Variants in RNF180 observed in about 807,000 individuals in gnomAD.
RNF180 encodes the protein E3 ubiquitin-protein ligase RNF180.
RNF180 carries 38 observed loss-of-function variants against 59.2 expected under a neutral mutation model. That is an observed-to-expected ratio of 0.64 (90% CI 0.50 to 0.84). The LOEUF is 0.84. Ranked by LOEUF, RNF180 falls within the 40% of genes least tolerant of loss-of-function variation. The pLI is 0.00. For synonymous variants in RNF180, 262 were observed against 240.3 expected, an observed-to-expected ratio of 1.09 and a Z score of -0.84; for missense variants, 705 against 700.9, an observed-to-expected ratio of 1.01 and a Z score of -0.07.
At chr5:64,216,948 T>G (rs1263722335) in intron 4 of RNF180, among the ~76,000 whole-genome samples, 1 of 152,170 alleles carries the variant, frequency 6.6e-6, no homozygotes. Context: ...ACAGAACATT[T>G]TGATCACTCT....
chr5:64,191,506 G>C (rs977918554), intron 1 of RNF180, among the ~76,000 whole-genome samples: 5 of 152,150 alleles, frequency 3.3e-5, no homozygotes, highest in African/African-American at 1.2e-4. Flanking sequence ...GAGACTGCTA[G>C]AAAGCACTAA....
intron 5 of RNF180, among the ~76,000 whole-genome samples, chr5:64,306,104 AC>A (rs1743436375): frequency 6.6e-6 from 1 of 151,718 alleles, no homozygotes; most frequent in Non-Finnish European, 1.5e-5. Flanking sequence ...GTATTTTTAT[AC>A]TTTTAAAAAT....
chr5:64,287,220 C>G (rs1280879291), intron 5 of RNF180, among the ~76,000 whole-genome samples: 2 of 152,150 alleles, frequency 1.3e-5, no homozygotes, highest in Non-Finnish European at 1.5e-5. Flanking sequence ...CCACTTCGGC[C>G]TCCCAAAGTG....
At chr5:64,320,223 C>T (rs1171140525) in intron 5 of RNF180, among the ~76,000 whole-genome samples, 1 of 152,136 alleles carries the variant, frequency 6.6e-6, no homozygotes, top group Non-Finnish European at 1.5e-5. Context: ...AGTCTTGATC[C>T]TGCCCTTCCA....
chr5:64,349,782 G>T (rs1745714677), intron 7 of RNF180, among the ~76,000 whole-genome samples: 1 of 152,008 alleles, frequency 6.6e-6, no homozygotes, highest in African/African-American at 2.4e-5. Context: ...CTTTTTTATG[G>T]CTGCATAGTA....
At chr5:64,212,008 C>G in intron 2 of RNF180, 57 bp from the exon 3 acceptor site, 1 of 1,000,640 alleles carries the variant, frequency 1.0e-6, no homozygotes, top group Non-Finnish European at 1.5e-6. Context: ...AAATATGAAA[C>G]CTGTGAAATA....
chr5:64,322,583 A>G (rs1380113511), intron 5 of RNF180, among the ~76,000 whole-genome samples: 9 of 148,808 alleles, frequency 6.0e-5, no homozygotes, highest in African/African-American at 2.0e-4. Context: ...ATATATATAT[A>G]TAACGGAATA....
At chr5:64,263,266 A>T (rs374612427) in intron 5 of RNF180, among the ~76,000 whole-genome samples, 6 of 152,302 alleles carry the variant, frequency 3.9e-5, no homozygotes, top group South Asian at 4.1e-4. Context: ...TTAAAACAGC[A>T]GTGTGCTGGG....
At chr5:64,304,890 A>C (rs1743350761) in intron 5 of RNF180, among the ~76,000 whole-genome samples, 1 of 151,612 alleles carries the variant, frequency 6.6e-6, no homozygotes, top group Admixed American at 6.6e-5. Context: ...CAATGCAGAA[A>C]ACTTCATTGT....
At chr5:64,288,992 G>A (rs953885836) in intron 5 of RNF180, among the ~76,000 whole-genome samples, 1 of 152,158 alleles carries the variant, frequency 6.6e-6, no homozygotes, top group Non-Finnish European at 1.5e-5. Context: ...AATGCTTCCA[G>A]CTTTTGCCCA....
At chr5:64,173,087 G>T (rs1317401879) in intron 1 of RNF180, among the ~76,000 whole-genome samples, 2 of 152,070 alleles carry the variant, frequency 1.3e-5, no homozygotes, top group Non-Finnish European at 2.9e-5. Context: ...ACAGCAAACT[G>T]TACAAAAAAT....
rs143681455 is a variant in RNF180 at position 64,226,746 on chromosome 5, G to A, written c.1227+9350G>A. The stretch of plus-strand genomic sequence containing the variant: ...CTACAGCAGCCACAGCACAGATATA[G>A]CTGGTAACAGAGTTCTTTAGCCTCC... On this transcript the variant is annotated intron_variant, in intron 5 of 7. Transcript: ENST00000389100. Among the ~76,000 whole-genome samples the A allele has an allele frequency of 3.2e-3, 492 of 152,234 alleles. 1 individual carries two copies. The highest frequency in any genetic ancestry group is 0.012 in the African/African-American group (484 of 41,536).
At chr5:64,166,647 C>T (rs961414770) in intron 1 of RNF180, among the ~76,000 whole-genome samples, 4 of 152,180 alleles carry the variant, frequency 2.6e-5, no homozygotes, top group Admixed American at 1.3e-4. Context: ...TTCGTAGCAT[C>T]TAACAGTTGT....
At chr5:64,270,591 A>C (rs1741341814) in intron 5 of RNF180, among the ~76,000 whole-genome samples, 1 of 152,150 alleles carries the variant, frequency 6.6e-6, no homozygotes, top group Non-Finnish European at 1.5e-5. Context: ...CATTGTGCTG[A>C]TAAGTACATT....
intron 5 of RNF180, among the ~76,000 whole-genome samples, chr5:64,247,677 A>G (rs1288831059): frequency 1.3e-5 from 2 of 152,226 alleles, no homozygotes; most frequent in Non-Finnish European, 2.9e-5. Context: ...GAAAATGACC[A>G]TAGTGCACAA....
chr5:64,344,919 A>G (rs79801478), intron 7 of RNF180, among the ~76,000 whole-genome samples: 2 of 152,058 alleles, frequency 1.3e-5, no homozygotes, highest in Non-Finnish European at 2.9e-5. Context: ...CCCAAGATGA[A>G]GAGTAGAGAA....
intron 5 of RNF180, among the ~76,000 whole-genome samples, chr5:64,318,530 A>G (rs963334186): frequency 6.6e-6 from 1 of 152,142 alleles, no homozygotes; most frequent in African/African-American, 2.4e-5. Context: ...AACCACAAAT[A>G]AGGGGGAACT....
intron 1 of RNF180, among the ~76,000 whole-genome samples, chr5:64,171,868 C>T (rs1649569446): frequency 6.6e-6 from 1 of 151,884 alleles, no homozygotes. Flanking sequence ...CTAACAGCAT[C>T]TGGGTATAAG....
At chr5:64,237,276 C>G (rs977290893) in intron 5 of RNF180, among the ~76,000 whole-genome samples, 7 of 152,206 alleles carry the variant, frequency 4.6e-5, no homozygotes, top group African/African-American at 2.4e-5. Context: ...TATGTGAGAC[C>G]TGGAGTCAAA....
Sources: allele counts gnomAD v4.1 joint callset (sites outside exome capture counted in the v4.1 genomes callset), GRCh38; gene constraint gnomAD v4.1.1; transcripts MANE v1.5; gene names NCBI Gene and HGNC (gene_info 2026-07-23, HGNC 2026-07-21).